Variants in KCNN2 observed in about 807,000 individuals in gnomAD.
KCNN2 encodes potassium calcium-activated channel subfamily N member 2.
In KCNN2, 24 loss-of-function variants were observed where a neutral mutation model predicts 55.5. The ratio of observed to expected loss-of-function variants is 0.43; its 90% CI spans 0.31 to 0.61. The LOEUF is 0.61. KCNN2 is among the 20% of genes least tolerant of loss of function. The pLI is 0.08. For synonymous variants in KCNN2, 431 were observed against 336.1 expected (o/e 1.28, Z -3.09); for missense variants, 754 against 853.6 (o/e 0.88, Z 1.45).
chr5:114,463,705 A>AGCTT (rs1761313950), intron 4 of KCNN2, among the ~76,000 whole-genome samples: 1 of 152,182 alleles, frequency 6.6e-6, no homozygotes, highest in African/African-American at 2.4e-5. Context: ...GCCTTCATGG[A>AGCTT]GCTTACAAGG....
chr5:114,347,253 A>G (rs2150038813), intron 2 of KCNN2, among the ~76,000 whole-genome samples: 1 of 152,328 alleles, frequency 6.6e-6, no homozygotes, highest in Non-Finnish European at 1.5e-5. Flanking sequence ...GCATAGTCTC[A>G]AAGAATCTTA....
intron 2 of KCNN2, among the ~76,000 whole-genome samples, chr5:114,391,503 G>T (rs532687946): frequency 6.6e-6 from 1 of 151,966 alleles, no homozygotes; most frequent in East Asian, 1.9e-4. Flanking sequence ...CCAAAATGTT[G>T]TGTGTGTGTG....
chr5:114,492,581 G>C (rs965016119), intron 6 of KCNN2, among the ~76,000 whole-genome samples: 2 of 152,014 alleles, frequency 1.3e-5, no homozygotes, highest in African/African-American at 4.8e-5. Flanking sequence ...TTAAAGAATA[G>C]CAGAGTTCTT....
At chr5:114,213,532 T>C (rs10463440) in intron 1 of KCNN2, among the ~76,000 whole-genome samples, 1 of 151,890 alleles carries the variant, frequency 6.6e-6, no homozygotes, top group Non-Finnish European at 1.5e-5. Context: ...TCCTGAAATG[T>C]CTTTATGTTA....
At chr5:114,259,401 G>C (rs1755053935) in intron 2 of KCNN2, among the ~76,000 whole-genome samples, 1 of 152,180 alleles carries the variant, frequency 6.6e-6, no homozygotes, top group Non-Finnish European at 1.5e-5. Flanking sequence ...GAGCAGGACA[G>C]AGGACTTTGA....
At chr5:114,479,280 A>G (rs1210120543) in intron 5 of KCNN2, among the ~76,000 whole-genome samples, 2 of 152,128 alleles carry the variant, frequency 1.3e-5, no homozygotes, top group Non-Finnish European at 2.9e-5. Context: ...TCCTGACAAA[A>G]GAGACTTCAA....
At chr5:114,067,908 G>C (rs1750485329) in intron 1 of KCNN2, among the ~76,000 whole-genome samples, 1 of 152,122 alleles carries the variant, frequency 6.6e-6, no homozygotes, top group South Asian at 2.1e-4. Context: ...TCATTAATCA[G>C]ACATATTATA....
In KCNN2 at chr5:114,388,663, T is replaced by C. The variant is rs375389425; in HGVS notation, c.1219-15775T>C. Among the ~76,000 whole-genome samples the C allele has an allele frequency of 4.6e-5, 7 of 152,286 alleles. No homozygotes were observed. In the East Asian group the frequency reaches 7.7e-4, roughly 17 times the overall value. ...TTCTTGCTGCATGCAGAGCACTCCT[T>C]AGCAGTCACTTCTGTTCTCAATCTG... On this transcript the variant is annotated intron_variant, in intron 2 of 7. Transcript: ENST00000673685.
At chr5:114,248,132 G>A (rs550203358) in intron 2 of KCNN2, among the ~76,000 whole-genome samples, 1 of 152,162 alleles carries the variant, frequency 6.6e-6, no homozygotes, top group Non-Finnish European at 1.5e-5. Flanking sequence ...ATGCCTTCTT[G>A]TATAGTAATG....
chr5:114,075,363 T>C (rs1382975388), intron 1 of KCNN2, among the ~76,000 whole-genome samples: 2 of 152,212 alleles, frequency 1.3e-5, no homozygotes, highest in South Asian at 2.1e-4. Flanking sequence ...TGTATAATTT[T>C]GGAAGGAATC....
intron 1 of KCNN2, among the ~76,000 whole-genome samples, chr5:114,176,497 C>G (rs1192688267): frequency 2.6e-5 from 4 of 151,756 alleles, no homozygotes; most frequent in Non-Finnish European, 4.4e-5. Context: ...TAGAGTTGCT[C>G]AAATACTTTA....
Position 114,120,340 on chromosome 5 carries a change from G to C in KCNN2, c.-271+63840G>C, listed in dbSNP as rs187207281. Among the ~76,000 whole-genome samples the C allele has an allele frequency of 4.3e-4, 65 of 152,298 alleles. 1 individual carries two copies. Among genetic ancestry groups the C allele is most frequent in the African/African-American group, 1.5e-3 (64 of 41,556 alleles). Reference sequence around the variant, plus strand: ...TTGATTAATAGGATTACACTGGAGTGATTACAGCTGCCAATTTGTTTATCC... The same window carrying C: ...TTGATTAATAGGATTACACTGGAGTCATTACAGCTGCCAATTTGTTTATCC... On this transcript the variant is annotated intron_variant, in intron 1 of 10. Coordinates refer to the KCNN2 transcript ENST00000512097.
chr5:114,239,021 A>G (rs978181469), intron 2 of KCNN2, among the ~76,000 whole-genome samples: 1 of 152,142 alleles, frequency 6.6e-6, no homozygotes, highest in Admixed American at 6.5e-5. Context: ...ACAACAACAG[A>G]TTTAGTTTTT....
intron 2 of KCNN2, among the ~76,000 whole-genome samples, chr5:114,283,965 C>T (rs1363050700): frequency 1.3e-5 from 2 of 152,168 alleles, no homozygotes; most frequent in Admixed American, 6.5e-5. Context: ...GCCTTCAAGC[C>T]ATTTCCACAA....
At chr5:114,263,837 A>G (rs78247396) in intron 2 of KCNN2, among the ~76,000 whole-genome samples, 11,288 of 152,210 alleles carry the variant, frequency 0.074, 494 homozygotes, top group African/African-American at 0.12. Context: ...TTGAAAATTT[A>G]GGGAGTTCCC....
chr5:114,157,804 C>G (rs1045707410), intron 1 of KCNN2, among the ~76,000 whole-genome samples: 2 of 149,884 alleles, frequency 1.3e-5, no homozygotes, highest in Non-Finnish European at 3.0e-5. Flanking sequence ...TAAATGTCTT[C>G]TTTTGAGAAG....
At chr5:114,248,509 A>T (rs1366269592) in intron 2 of KCNN2, among the ~76,000 whole-genome samples, 3 of 122,810 alleles carry the variant, frequency 2.4e-5, no homozygotes, top group Non-Finnish European at 5.2e-5. Context: ...AGATGTTTCC[A>T]GCTACTAAAT....
At chr5:114,074,260 C>A (rs1376888682) in intron 1 of KCNN2, among the ~76,000 whole-genome samples, 2 of 150,160 alleles carry the variant, frequency 1.3e-5, no homozygotes, top group African/African-American at 4.9e-5. Context: ...ATCGGTAGAA[C>A]TAATTTCTTA....
intron 5 of KCNN2, among the ~76,000 whole-genome samples, chr5:114,481,194 A>G (rs924059863): frequency 3.3e-5 from 5 of 152,174 alleles, no homozygotes; most frequent in African/African-American, 1.2e-4. Flanking sequence ...TAGCATTCCT[A>G]TACACCACCA....
Sources: gnomAD v4.1 joint callset for allele counts (sites outside exome capture counted in the v4.1 genomes callset) on GRCh38, gnomAD v4.1.1 for gene constraint, MANE v1.5 for transcripts, NCBI Gene and HGNC (gene_info 2026-07-23, HGNC 2026-07-21) for gene names.